The following ANK3 variants were observed in gnomAD, a reference collection of about 807,000 sequenced individuals.
ANK3 encodes the protein ankyrin-3.
A neutral mutation model predicts 370.9 loss-of-function variants in ANK3; 57 were observed. The observed-to-expected ratio is 0.15, with a 90% CI of 0.12 to 0.19. The LOEUF is 0.19. Among genes scored for constraint, ANK3 ranks in the 10% least tolerant of loss-of-function variants. The pLI is 1.00. For synonymous variants in ANK3, 1,929 were observed against 1,946.3 expected, an observed-to-expected ratio of 0.99 and a Z score of 0.23; for missense variants, 4,439 against 5,302.1, an observed-to-expected ratio of 0.84 and a Z score of 5.06.
At chr10:60,688,743 TCGAGACCATCCTGGCTAA>T (rs1266957206) in intron 1 of ANK3, among the ~76,000 whole-genome samples, 2 of 151,820 alleles carry the variant, frequency 1.3e-5, no homozygotes, top group African/African-American at 4.8e-5. Context: ...GGTCAGGAGA[TCGAGACCATCCTGGCTAA>T]CATGGTGAAA....
At chr10:60,330,708 C>T (rs939029238) in intron 1 of ANK3, among the ~76,000 whole-genome samples, 3 of 152,092 alleles carry the variant, frequency 2.0e-5, no homozygotes, top group African/African-American at 7.2e-5. Flanking sequence ...GACAGTGTGG[C>T]GATTCCTGAA....
chr10:60,455,379 T>C (rs1460890918), intron 2 of ANK3, among the ~76,000 whole-genome samples: 1 of 152,194 alleles, frequency 6.6e-6, no homozygotes, highest in African/African-American at 2.4e-5. Context: ...TATGTCAAGA[T>C]ATTCTTCAAC....
At chr10:60,408,516 C>T (rs1340793997) in intron 2 of ANK3, among the ~76,000 whole-genome samples, 2 of 152,142 alleles carry the variant, frequency 1.3e-5, no homozygotes, top group Non-Finnish European at 2.9e-5. Flanking sequence ...CCCAGCCATG[C>T]TTCCTGTACA....
chr10:60,733,245 G>A (rs1009723909), intron 1 of ANK3: 6 of 1,240,928 alleles, frequency 4.8e-6, no homozygotes, highest in Non-Finnish European at 6.0e-6. Context: ...GCAGGTAGGG[G>A]GGCGGCGCGG....
At chr10:60,251,014 G>A (rs993878734) in intron 7 of ANK3, among the ~76,000 whole-genome samples, 9 of 152,122 alleles carry the variant, frequency 5.9e-5, no homozygotes, top group Non-Finnish European at 1.3e-4. Context: ...CTGTATCTTA[G>A]CACTAGCTCC....
At chr10:60,731,189 G>A (rs2080017457) in intron 1 of ANK3, among the ~76,000 whole-genome samples, 1 of 151,926 alleles carries the variant, frequency 6.6e-6, no homozygotes, top group East Asian at 1.9e-4. Context: ...TCTAGAGTTA[G>A]GCACACTTAT....
intron 2 of ANK3, among the ~76,000 whole-genome samples, chr10:60,590,772 C>T (rs1054769840): frequency 6.6e-6 from 1 of 152,208 alleles, no homozygotes; most frequent in African/African-American, 2.4e-5. Flanking sequence ...TTTAAATCAT[C>T]TCTAGACTAC....
At chr10:60,373,934 C>G (rs1453290934) in intron 1 of ANK3, among the ~76,000 whole-genome samples, 2 of 152,138 alleles carry the variant, frequency 1.3e-5, no homozygotes, top group Non-Finnish European at 2.9e-5. Context: ...AAAAGAATTG[C>G]AGATGAGTTA....
At chr10:60,430,958 T>C (rs952549859) in intron 2 of ANK3, among the ~76,000 whole-genome samples, 2 of 152,214 alleles carry the variant, frequency 1.3e-5, no homozygotes. Flanking sequence ...ATTAAGTTAA[T>C]GCATGTAAAG....
At chr10:60,532,559 T>G (rs746889574) in intron 2 of ANK3, among the ~76,000 whole-genome samples, 20 of 152,218 alleles carry the variant, frequency 1.3e-4, no homozygotes, top group Non-Finnish European at 2.6e-4. Context: ...TTTTGCTGGA[T>G]GAGAAGAACT....
In ANK3 at chr10:60,084,599, T is replaced by A; in HGVS notation, c.4074+3A>T. On this transcript the variant is annotated splice_donor_region_variant and intron_variant, in intron 32 of 43. Coordinates refer to ENST00000280772, the MANE Select transcript of ANK3 (RefSeq NM_020987.5). Reference sequence around the variant, plus strand: ...AATGAACTTGTTTTTGTGAACAAGGTACCTCAATATCTTTGCTTCTTGCGA... The same window carrying A: ...AATGAACTTGTTTTTGTGAACAAGGAACCTCAATATCTTTGCTTCTTGCGA... 6.2e-7 allele frequency: 1 copy of A among 1,612,622 alleles called. No individual in the cohort carries two copies. Among genetic ancestry groups the A allele is most frequent in the Non-Finnish European group, 8.5e-7 (1 of 1,178,886 alleles).
intron 1 of ANK3, among the ~76,000 whole-genome samples, chr10:60,296,884 G>T (rs2132780060): frequency 6.6e-6 from 1 of 152,326 alleles, no homozygotes; most frequent in Middle Eastern, 3.4e-3. Context: ...GGAGGCTGAG[G>T]TGGGAGGATC....
At chr10:60,733,238 G>A (rs113837766) in intron 1 of ANK3, 11 of 1,240,392 alleles carry the variant, frequency 8.9e-6, no homozygotes, top group Non-Finnish European at 1.1e-5. Context: ...GGCAGCCGCA[G>A]GTAGGGGGGC....
At chr10:60,168,108 C>T (rs768843957) in intron 21 of ANK3, among the ~76,000 whole-genome samples, 2 of 152,212 alleles carry the variant, frequency 1.3e-5, no homozygotes, top group Non-Finnish European at 2.9e-5. Context: ...TTGCTGCAAC[C>T]TCTGCCTCCC....
In ANK3 at chr10:60,173,183, C is replaced by T. The variant is rs748974513; in HGVS notation, c.2188G>A (p.Gly730Arg). 1.3e-5 allele frequency: 21 copies of T among 1,602,068 alleles called. 1 individual carries two copies. The South Asian group carries it at 2.0e-4, about 16-fold the overall frequency. ...CAGCCCACATGCAGTGGTGTGTATCCCATCTGTAATTATTATTTTTTTAAA... is the reference window on the plus strand; with the variant it reads ...CAGCCCACATGCAGTGGTGTGTATCTCATCTGTAATTATTATTTTTTTAAA... ...GAHVDAQTKMGYTPLHVGCHY... is the reference protein window; with the variant it reads ...GAHVDAQTKMRYTPLHVGCHY... Residue 730 changes from glycine to arginine, a missense_variant, in exon 19 of 44, where the codon GGA becomes AGA. By Grantham distance (125) the Gly-to-Arg change is moderately radical (BLOSUM62 -2). This residue lies in a region of ANK3 where 702 missense variants were observed against 941.5 expected (regional missense o/e 0.75). Transcript: ENST00000280772.
At chr10:60,511,064 T>A (rs1045192473) in intron 2 of ANK3, among the ~76,000 whole-genome samples, 1 of 152,184 alleles carries the variant, frequency 6.6e-6, no homozygotes, top group African/African-American at 2.4e-5. Context: ...AGTTAACTTC[T>A]GTTTCTTATG....
chr10:60,628,382 C>G (rs1256935685), intron 1 of ANK3, among the ~76,000 whole-genome samples: 2 of 152,194 alleles, frequency 1.3e-5, no homozygotes, highest in East Asian at 3.8e-4. Flanking sequence ...CATACCTCCT[C>G]TATGCAAGCT....
At chr10:60,393,367 A>C (rs558319483), upstream of ANK3, among the ~76,000 whole-genome samples, 14 of 152,328 alleles carry the variant, frequency 9.2e-5, no homozygotes, top group East Asian at 2.5e-3. Context: ...CCCTGCTAAA[A>C]ATTGTCCGAA....
intron 1 of ANK3, among the ~76,000 whole-genome samples, chr10:60,386,472 T>C (rs1680292505): frequency 6.6e-6 from 1 of 151,958 alleles, no homozygotes; most frequent in Non-Finnish European, 1.5e-5. Flanking sequence ...ACTTAAGTTA[T>C]GTCAAGAATA....
Sources: gnomAD v4.1 joint callset for allele counts (sites outside exome capture counted in the v4.1 genomes callset) on GRCh38, gnomAD v4.1.1 for gene constraint, gnomAD v4.1.1 regional missense constraint, MANE v1.5 for transcripts, NCBI Gene and HGNC (gene_info 2026-07-23, HGNC 2026-07-21) for gene names.